Variants in EFTUD2 observed in about 807,000 individuals in gnomAD.
EFTUD2 encodes elongation factor Tu GTP binding domain containing 2, also known as 116 kDa U5 small nuclear ribonucleoprotein component.
Under a neutral mutation model 114.3 loss-of-function variants are expected in EFTUD2, and 9 were observed. The ratio of observed to expected loss-of-function variants is 0.08; its 90% CI spans 0.05 to 0.14. The LOEUF (loss-of-function observed/expected upper bound fraction) is 0.14. Ranked by LOEUF, EFTUD2 falls within the 10% of genes least tolerant of loss-of-function variation. The pLI is 1.00. For missense variants in EFTUD2, 765 were observed against 1,241.2 expected, an observed-to-expected ratio of 0.62 and a Z score of 5.76; for synonymous variants, 449 against 462.3, an observed-to-expected ratio of 0.97 and a Z score of 0.37.
At chr17:44,896,422 C>T (rs112235853) in intron 1 of EFTUD2, among the ~76,000 whole-genome samples, 7,349 of 151,946 alleles carry the variant, frequency 0.048, 256 homozygotes, top group Non-Finnish European at 0.079. Context: ...CCAAGATGGG[C>T]GGATCATGAG....
At chr17:44,867,062 G>A (rs893800342) in intron 13 of EFTUD2, among the ~76,000 whole-genome samples, 4 of 152,284 alleles carry the variant, frequency 2.6e-5, no homozygotes, top group South Asian at 2.1e-4. Flanking sequence ...AGCTATGATC[G>A]TGCTATTGCA....
At chr17:44,883,318 A>G (rs531207897) in intron 5 of EFTUD2, among the ~76,000 whole-genome samples, 160 bp from the exon 6 acceptor site, 1 of 152,342 alleles carries the variant, frequency 6.6e-6, no homozygotes, top group Non-Finnish European at 1.5e-5. Context: ...AAGCCACAGG[A>G]TTATTTTCAA....
In EFTUD2 at chr17:44,851,745, C is replaced by A. The variant is rs2145428912; in HGVS notation, c.2788G>T (p.Ala930Ser). ...PLEPQPAPHL[A>S]REFMIKTRRR... is the part of the protein sequence containing the mutation. ...CGGGTTTTGATCATGAATTCCCGGG[C>A]CAGGTGAGGAGCTGGCTGTGGCTCC... Residue 930 changes from alanine (A) to serine (S), a missense_variant, in exon 27 of 28, where the codon GCC (alanine) becomes TCC (serine). Ala to Ser is a moderately conservative substitution (Grantham distance 99, BLOSUM62 1). Coordinates refer to ENST00000426333, the MANE Select transcript of EFTUD2 (RefSeq NM_004247.4). The A allele has an allele frequency of 6.3e-7, 1 of 1,590,788 alleles. No homozygotes were observed. Among genetic ancestry groups the A allele is most frequent in the Non-Finnish European group, 8.5e-7 (1 of 1,170,936 alleles).
chr17:44,853,693 T>C, intron 23 of EFTUD2, 58 bp from the exon 24 acceptor site: 1 of 1,599,094 alleles, frequency 6.3e-7, no homozygotes, highest in Non-Finnish European at 8.6e-7. Flanking sequence ...CATGGGGCCA[T>C]GGCAGAGTAG....
intron 3 of EFTUD2, 44 bp from the exon 4 acceptor site, chr17:44,885,378 A>T: frequency 1.5e-6 from 2 of 1,315,236 alleles, no homozygotes; most frequent in Non-Finnish European, 2.2e-6. Flanking sequence ...TGGGCATAAA[A>T]CATAAAAATA....
At chr17:44,895,728 A>C (rs1241214239) in intron 1 of EFTUD2, 1 of 152,166 alleles carries the variant, frequency 6.6e-6, no homozygotes, top group Non-Finnish European at 1.5e-5. Context: ...CCACAATACA[A>C]CCATCAAAAT....
chr17:44,862,775 G>A lies in EFTUD2; in HGVS notation c.1545C>T (p.Thr515=). Residue 515 remains threonine, a synonymous_variant, in exon 16 of 28, where the codon ACC becomes ACT. Coordinates refer to ENST00000426333, the MANE Select transcript of EFTUD2 (RefSeq NM_004247.4). ...TCTGGGAGTCTTCCTCATCCTCCAG[G>A]GTGTAGTTCTCCCCCAGTACCTTCA... ...QPVKVLGENY[T]LEDEEDSQIC... is the part of the protein sequence containing the mutation. 1.2e-6 allele frequency: 2 copies of A among 1,614,126 alleles called. No individual in the cohort carries two copies. The highest frequency in any genetic ancestry group is 1.7e-6 in the Non-Finnish European group (2 of 1,180,002).
chr17:44,865,880 C>T (rs551265281), intron 13 of EFTUD2, among the ~76,000 whole-genome samples: 4 of 152,120 alleles, frequency 2.6e-5, no homozygotes, highest in South Asian at 4.1e-4. Context: ...GGTGTGATCA[C>T]GGCTCACTGC....
chr17:44,891,240 G>A lies in EFTUD2; in HGVS notation c.105+3177C>T, dbSNP rs73986416. Among the ~76,000 whole-genome samples, 1,344 of 152,314 alleles carry A rather than the reference G, an allele frequency of 8.8e-3. 18 individuals carry two copies. Among genetic ancestry groups the A allele is most frequent in the African/African-American group, 0.03 (1,259 of 41,548 alleles). ...AAATTACAAAGAACTGTGGTGGCAG[G>A]TATGGGAATGAGATAAATGGGAATT... is the stretch of plus-strand genomic sequence containing the variant. On this transcript the variant is annotated intron_variant, in intron 2 of 27. Transcript: ENST00000426333.
chr17:44,896,259 C>A (rs1178135004), intron 1 of EFTUD2, among the ~76,000 whole-genome samples: 1 of 152,208 alleles, frequency 6.6e-6, no homozygotes, highest in Non-Finnish European at 1.5e-5. Context: ...TCAAATGCCA[C>A]CACCTCCTTC....
chr17:44,870,490 C>T (rs1473192657), intron 11 of EFTUD2, among the ~76,000 whole-genome samples: 3 of 151,986 alleles, frequency 2.0e-5, no homozygotes, highest in Non-Finnish European at 4.4e-5. Flanking sequence ...ATACAGTTGA[C>T]CCTTGAATAA....
At chr17:44,891,345 C>G (rs1276808106) in intron 2 of EFTUD2, among the ~76,000 whole-genome samples, 1 of 152,188 alleles carries the variant, frequency 6.6e-6, no homozygotes, top group Non-Finnish European at 1.5e-5. Flanking sequence ...AGTGACTCAA[C>G]TGTTTGTACT....
chr17:44,863,076 T>C (rs778443108), intron 15 of EFTUD2, 170 bp from the exon 16 acceptor site: 59 of 512,494 alleles, frequency 1.2e-4, no homozygotes, highest in Non-Finnish European at 1.6e-4. Context: ...GAAGGATGAA[T>C]AGGAGACATG....
intron 12 of EFTUD2, 109 bp downstream of exon 12, chr17:44,868,178 A>T: frequency 3.6e-6 from 4 of 1,114,702 alleles, no homozygotes; most frequent in African/African-American, 1.6e-5. Flanking sequence ...TACATTAAAA[A>T]AAAAAAAAAA....
intron 10 of EFTUD2, among the ~76,000 whole-genome samples, chr17:44,873,532 A>T (rs2050892287): frequency 6.6e-6 from 1 of 151,278 alleles, no homozygotes; most frequent in Admixed American, 6.6e-5. Context: ...ATTTTTGTAG[A>T]GATGAGATAC....
chr17:44,859,699 A>G, intron 18 of EFTUD2: 2 of 696,618 alleles, frequency 2.9e-6, no homozygotes, highest in African/African-American at 1.8e-5. Context: ...CCCCTCCTAC[A>G]CAGGTCTTGT....
At chr17:44,888,296 G>A (rs2145563646) in intron 2 of EFTUD2, among the ~76,000 whole-genome samples, 1 of 152,292 alleles carries the variant, frequency 6.6e-6, no homozygotes, top group South Asian at 2.1e-4. Flanking sequence ...AGTAGGCGGG[G>A]AGGTGCCATT....
chr17:44,883,739 G>A lies in EFTUD2; in HGVS notation c.351-15C>T, dbSNP rs1407657753. On this transcript the variant is annotated splice_polypyrimidine_tract_variant and intron_variant, in intron 4 of 27. Transcript: ENST00000426333. Reference sequence around the variant, plus strand: ...CCGCCAAGAAACTGAAAGGACAAAGGAAAAGAGAAAAGAGAGATTGGCAAA... The same window carrying A: ...CCGCCAAGAAACTGAAAGGACAAAGAAAAAGAGAAAAGAGAGATTGGCAAA... 6.2e-7 allele frequency: 1 copy of A among 1,612,414 alleles called. No individual in the cohort carries two copies.
chr17:44,889,330 A>G (rs2051236855), intron 2 of EFTUD2, among the ~76,000 whole-genome samples: 1 of 152,190 alleles, frequency 6.6e-6, no homozygotes, highest in African/African-American at 2.4e-5. Context: ...GACAGCAACC[A>G]TGACCACCTA....
Sources: allele counts gnomAD v4.1 joint callset (sites outside exome capture counted in the v4.1 genomes callset), GRCh38; gene constraint gnomAD v4.1.1; transcripts MANE v1.5; gene names NCBI Gene and HGNC (gene_info 2026-07-23, HGNC 2026-07-21).